Variants in EPAS1 observed in about 807,000 individuals in gnomAD.
EPAS1 encodes endothelial PAS domain-containing protein 1.
EPAS1 carries 23 observed loss-of-function variants against 87.9 expected under a neutral mutation model. The observed-to-expected ratio is 0.26, with a 90% CI of 0.19 to 0.37. The LOEUF (loss-of-function observed/expected upper bound fraction) is 0.37. Among genes scored for constraint, EPAS1 ranks in the 10% least tolerant of loss-of-function variants. The probability of loss-of-function intolerance (pLI) is 1.00; values close to 1 mark genes in which losing one functional copy is unlikely to be tolerated. For synonymous variants in EPAS1, 508 were observed against 444.3 expected, an observed-to-expected ratio of 1.14 and a Z score of -1.80; for missense variants, 1,138 against 1,120.7, an observed-to-expected ratio of 1.02 and a Z score of -0.22.
intron 1 of EPAS1, among the ~76,000 whole-genome samples, chr2:46,298,832 C>T (rs886442602): frequency 3.3e-5 from 5 of 152,336 alleles, no homozygotes; most frequent in African/African-American, 1.2e-4. Context: ...GAGCCCTCTG[C>T]GCGGCCGCGC....
At chr2:46,358,616 A>G (rs565371392) in intron 4 of EPAS1, among the ~76,000 whole-genome samples, 1 of 152,302 alleles carries the variant, frequency 6.6e-6, no homozygotes, top group African/African-American at 2.4e-5. Context: ...ATGGTATTGG[A>G]CTAGGCAAAG....
Position 46,375,916 on chromosome 2 carries a change from C to T in EPAS1, c.1034+79C>T. 6.3e-7 allele frequency: 1 copy of T among 1,597,142 alleles called. No homozygotes were observed. Among genetic ancestry groups the T allele is most frequent in the South Asian group, 1.1e-5 (1 of 90,524 alleles). On this transcript the variant is annotated intron_variant, in intron 8 of 15. Transcript: ENST00000263734. This position sits in a 1 kb window ranked among gnomAD's most constrained non-coding sequence, Gnocchi z 4.1. The stretch of plus-strand genomic sequence containing the variant: ...GCTTCCCAGACTCAGGATGACAGGC[C>T]TAGGAGATGCCAGGCCTCTCAGCGC...
At position 46,380,644 on chromosome 2, in the gene EPAS1, C is replaced by T. The variant is rs766696421; in HGVS notation, c.1972C>T (p.Arg658Cys). The T allele has an allele frequency of 6.4e-5, 103 of 1,614,150 alleles. No individual in the cohort carries two copies. The highest frequency in any genetic ancestry group is 1.3e-4 in the East Asian group (6 of 44,886). Residue 658 changes from arginine (R) to cysteine (C), a missense_variant, in exon 12 of 16, where the codon CGC (arginine) becomes TGC (cysteine). Arg to Cys is a radical substitution (Grantham distance 180). Around this residue, in one of 4 missense-constraint regions of EPAS1, gnomAD observed 502 missense variants for 427.1 expected, o/e 1.18. Coordinates refer to ENST00000263734, the MANE Select transcript of EPAS1 (RefSeq NM_001430.5). The surrounding 1 kb of genome is among the most constrained non-coding windows in gnomAD (Gnocchi z 4.4). ...GPTKWAVGDQ[R>C]TEFLGAAPLG... The stretch of plus-strand genomic sequence containing the variant: ...CACAAAGTGGGCCGTCGGGGATCAG[C>T]GCACAGAGTTCTTGGGAGCAGCGCC...
rs113741213 is a variant in EPAS1, at chr2:46,376,722, C to G, written c.1218C>G (p.Thr406=). The change falls in exon 9 of 16, where the codon ACC becomes ACG. Residue 406 remains threonine (T), a synonymous_variant. Coordinates refer to ENST00000263734, the MANE Select transcript of EPAS1 (RefSeq NM_001430.5). The stretch of plus-strand genomic sequence containing the variant: ...AGGAGCTGGCCCAGCTGGCTCCCAC[C>G]CCAGGAGACGCCATCATCTCTCTGG... The part of the protein sequence containing the change: ...EPEELAQLAP[T]PGDAIISLDF... The G allele has an allele frequency of 2.1e-4, 343 of 1,612,878 alleles. 5 individuals are homozygous for G. In the African/African-American group the frequency reaches 3.4e-3, roughly 16 times the overall value.
intron 9 of EPAS1, 53 bp from the exon 10 acceptor site, chr2:46,377,841 G>C (rs1161242756): frequency 6.4e-7 from 1 of 1,551,396 alleles, no homozygotes; most frequent in Non-Finnish European, 8.7e-7. Flanking sequence ...CCTCTGCCTT[G>C]GGGTGAGCCC....
intron 1 of EPAS1, among the ~76,000 whole-genome samples, chr2:46,326,454 T>C (rs1279325649): frequency 4.6e-5 from 7 of 152,134 alleles, no homozygotes; most frequent in Non-Finnish European, 7.4e-5. Flanking sequence ...CACGTGACTG[T>C]AAGGTTGTGC....
At chr2:46,323,112 C>T (rs930473460) in intron 1 of EPAS1, among the ~76,000 whole-genome samples, 1 of 152,012 alleles carries the variant, frequency 6.6e-6, no homozygotes, top group Non-Finnish European at 1.5e-5. Flanking sequence ...GGCGACCTCA[C>T]GGATCATAAC....
chr2:46,298,482 C>T (rs1207634255), intron 1 of EPAS1, among the ~76,000 whole-genome samples: 1 of 152,216 alleles, frequency 6.6e-6, no homozygotes, highest in Non-Finnish European at 1.5e-5. Context: ...CCCTTCAGAG[C>T]GCCCCGCTGC....
intron 2 of EPAS1, among the ~76,000 whole-genome samples, chr2:46,352,489 C>T (rs1047879516): frequency 6.6e-6 from 1 of 151,298 alleles, no homozygotes. Flanking sequence ...TTTCCCATGT[C>T]CGTAACACTG....
chr2:46,303,011 T>C (rs1333138077), intron 1 of EPAS1, among the ~76,000 whole-genome samples: 1 of 152,116 alleles, frequency 6.6e-6, no homozygotes. Flanking sequence ...AGGCGGAGGT[T>C]GCAGTGAGCC....
chr2:46,310,842 T>C (rs375384169), intron 1 of EPAS1, among the ~76,000 whole-genome samples: 4 of 152,238 alleles, frequency 2.6e-5, no homozygotes, highest in East Asian at 3.8e-4. Flanking sequence ...CTGAGTACTT[T>C]TGGCTTAGAA....
chr2:46,309,802 G>A (rs536930465), intron 1 of EPAS1, among the ~76,000 whole-genome samples: 6 of 152,318 alleles, frequency 3.9e-5, no homozygotes, highest in African/African-American at 1.4e-4. Flanking sequence ...TTTAGGGGCA[G>A]GCCTTCCTGA....
Position 46,380,193 on chromosome 2 carries a change from C to T in EPAS1, c.1555-34C>T. 6 of 1,603,450 alleles carry T rather than the reference C, an allele frequency of 3.7e-6. No homozygotes were observed. On this transcript the variant is annotated intron_variant, in intron 11 of 15. Coordinates refer to ENST00000263734, the MANE Select transcript of EPAS1 (RefSeq NM_001430.5). The surrounding 1 kb of genome is among the most constrained non-coding windows in gnomAD (Gnocchi z 4.4). ...TAGTGTTTGTGAGGTCGTACCAACC[C>T]CCTTGCCTCTTTGCCGGTGCTGTCT...
At chr2:46,333,912 A>G (rs571471657) in intron 1 of EPAS1, among the ~76,000 whole-genome samples, 1 of 152,182 alleles carries the variant, frequency 6.6e-6, no homozygotes, top group South Asian at 2.1e-4. Context: ...GTGGAAATAA[A>G]TAAAACACCA....
chr2:46,338,479 C>T (rs907913285), intron 1 of EPAS1, among the ~76,000 whole-genome samples: 7 of 152,168 alleles, frequency 4.6e-5, no homozygotes, highest in Non-Finnish European at 7.4e-5. Context: ...CTCCTGCACC[C>T]GCTGGCTTTC....
intron 14 of EPAS1, 39 bp from the exon 15 acceptor site, chr2:46,382,386 G>C: frequency 6.2e-7 from 1 of 1,613,514 alleles, no homozygotes; most frequent in Non-Finnish European, 8.5e-7. Flanking sequence ...CCCTCCCTCA[G>C]GCCAATGCTA....
intron 7 of EPAS1, among the ~76,000 whole-genome samples, chr2:46,370,517 A>G (rs768248731): frequency 6.6e-6 from 1 of 152,166 alleles, no homozygotes; most frequent in South Asian, 2.1e-4. Flanking sequence ...AGGGAGCTTT[A>G]GAAAAGGCTG....
intron 9 of EPAS1, among the ~76,000 whole-genome samples, chr2:46,377,458 C>A (rs1381519211): frequency 6.6e-6 from 1 of 152,204 alleles, no homozygotes; most frequent in Non-Finnish European, 1.5e-5. Flanking sequence ...TAGATGGGTT[C>A]TACAGCGGCC....
At chr2:46,311,802 G>C (rs1431101183) in intron 1 of EPAS1, among the ~76,000 whole-genome samples, 1 of 152,230 alleles carries the variant, frequency 6.6e-6, no homozygotes, top group East Asian at 1.9e-4. Context: ...GCACACCTGA[G>C]GGTGGTGTGG....
Sources: gnomAD v4.1 joint callset for allele counts (sites outside exome capture counted in the v4.1 genomes callset) on GRCh38, gnomAD v4.1.1 for gene constraint, gnomAD v4.1.1 regional missense constraint, Gnocchi (gnomAD v3.1) non-coding constraint, MANE v1.5 for transcripts, NCBI Gene and HGNC (gene_info 2026-07-23, HGNC 2026-07-21) for gene names.